Variants in TRIO observed in about 807,000 individuals in gnomAD.
The protein encoded by TRIO is trio Rho guanine nucleotide exchange factor, also known as triple functional domain protein.
Under a neutral mutation model 351.9 loss-of-function variants are expected in TRIO, and 58 were observed. The ratio of observed to expected loss-of-function variants is 0.16; its 90% confidence interval spans 0.13 to 0.21. The LOEUF (loss-of-function observed/expected upper bound fraction) is 0.21, where lower values mean the gene tolerates loss of function less well. Among genes scored for constraint, TRIO ranks in the 10% least tolerant of loss-of-function variants. The pLI is 1.00. For synonymous variants in TRIO, 1,758 were observed against 1,595.7 expected, an observed-to-expected ratio of 1.10 and a Z score of -2.42; for missense variants, 3,201 against 4,027.8, an observed-to-expected ratio of 0.79 and a Z score of 5.56.
intron 34 of TRIO, among the ~76,000 whole-genome samples, chr5:14,445,322 C>T (rs979340565): frequency 1.3e-5 from 2 of 152,146 alleles, no homozygotes; most frequent in South Asian, 4.2e-4. Context: ...ATGAGCAAAC[C>T]ACATACCCCC....
intron 45 of TRIO, 122 bp from the exon 46 acceptor site, chr5:14,482,460 T>C: frequency 1.3e-6 from 1 of 780,650 alleles, no homozygotes; most frequent in Non-Finnish European, 1.8e-6. Context: ...TTAAACTCCA[T>C]AAATTAATAA....
intron 1 of TRIO, among the ~76,000 whole-genome samples, chr5:14,222,710 T>C (rs1792722266): frequency 6.6e-6 from 1 of 152,220 alleles, no homozygotes; most frequent in Non-Finnish European, 1.5e-5. Flanking sequence ...AAGAAATACA[T>C]GTGAAGTTTT....
intron 34 of TRIO, among the ~76,000 whole-genome samples, chr5:14,442,025 G>T (rs371517228): frequency 6.6e-6 from 1 of 152,216 alleles, no homozygotes; most frequent in Admixed American, 6.5e-5. Flanking sequence ...GACAAGGTGA[G>T]GGGAGTTGGG....
At chr5:14,218,169 C>T (rs1020254395) in intron 1 of TRIO, among the ~76,000 whole-genome samples, 2 of 152,174 alleles carry the variant, frequency 1.3e-5, no homozygotes, top group Non-Finnish European at 2.9e-5. Flanking sequence ...CATCTCTGCA[C>T]TTTGTCATCT....
At chr5:14,204,530 G>A (rs1470284400) in intron 1 of TRIO, among the ~76,000 whole-genome samples, 1 of 152,134 alleles carries the variant, frequency 6.6e-6, no homozygotes, top group Non-Finnish European at 1.5e-5. Flanking sequence ...TGGTCTCTAG[G>A]TCTTACGGGA....
chr5:14,154,647 A>T (rs181855955), intron 1 of TRIO, among the ~76,000 whole-genome samples: 2 of 152,230 alleles, frequency 1.3e-5, no homozygotes, highest in Admixed American at 1.3e-4. Context: ...GCTCAGGTTT[A>T]TGCCCACATA....
intron 1 of TRIO, among the ~76,000 whole-genome samples, chr5:14,230,358 G>GTGTGTA (rs1303091878): frequency 6.6e-6 from 1 of 151,984 alleles, no homozygotes. Context: ...GTGTGTGTGT[G>GTGTGTA]TGTGTGTGTG....
At chr5:14,218,810 A>G (rs1318701944) in intron 1 of TRIO, among the ~76,000 whole-genome samples, 1 of 152,230 alleles carries the variant, frequency 6.6e-6, no homozygotes, top group Non-Finnish European at 1.5e-5. Context: ...TGGTTGAAAC[A>G]TGGCAGATGA....
rs143249581 is a variant in TRIO at position 14,304,968 on chromosome 5, A to C, written c.1500+376A>C. 3.0e-3 allele frequency among the ~76,000 whole-genome samples: 463 copies of C among 152,362 alleles called. 1 individual carries two copies. The highest frequency in any genetic ancestry group is 4.4e-3 in the Non-Finnish European group (299 of 68,026). Reference sequence around the variant, plus strand: ...TTTTAGAGAAGATGGGCTAGATTGCAAGGCACACATGTGTCTATTTTAGAA... The same window carrying C: ...TTTTAGAGAAGATGGGCTAGATTGCCAGGCACACATGTGTCTATTTTAGAA... On this transcript the variant is annotated intron_variant, in intron 8 of 56. Coordinates refer to ENST00000344204, the MANE Select transcript of TRIO (RefSeq NM_007118.4).
chr5:14,413,064 CCTCA>C (rs777652734), intron 33 of TRIO, among the ~76,000 whole-genome samples: 2 of 152,208 alleles, frequency 1.3e-5, no homozygotes, highest in Non-Finnish European at 2.9e-5. Flanking sequence ...CTTCCTCCTG[CCTCA>C]CTCGGGCTAT....
rs2152335791 is a variant in TRIO at position 14,358,163 on chromosome 5, T to C, written c.2047-15T>C. The C allele has an allele frequency of 3.1e-6, 5 of 1,607,264 alleles. No individual in the cohort carries two copies. Among genetic ancestry groups the C allele is most frequent in the South Asian group, 1.1e-5 (1 of 90,720 alleles). ...GCCAGGCCGGCCGGCCTCACCCCCC[T>C]CTCCCCTTCCCCAGCTGTGGACGTG... On this transcript the variant is annotated splice_polypyrimidine_tract_variant and intron_variant, in intron 11 of 56. Transcript: ENST00000344204.
intron 1 of TRIO, chr5:14,183,735 C>T (rs73748679): frequency 0.012 from 5,631 of 471,216 alleles, 258 homozygotes; most frequent in African/African-American, 0.1. Flanking sequence ...CTGCCCCTCC[C>T]GTTTGCTGAG....
At chr5:14,217,238 T>G (rs1301443078) in intron 1 of TRIO, among the ~76,000 whole-genome samples, 1 of 152,188 alleles carries the variant, frequency 6.6e-6, no homozygotes, top group African/African-American at 2.4e-5. Context: ...CTGTACAGAA[T>G]GTGGTCATTA....
chr5:14,323,138 T>A (rs941975789), intron 9 of TRIO, among the ~76,000 whole-genome samples: 7 of 152,164 alleles, frequency 4.6e-5, no homozygotes, highest in African/African-American at 1.7e-4. Context: ...TGGTGAATGC[T>A]AGACCTCAAA....
In TRIO at chr5:14,354,027, A is replaced by C. The variant is rs573297218; in HGVS notation, c.2047-4151A>C. On this transcript the variant is annotated intron_variant, in intron 11 of 56. Coordinates refer to ENST00000344204, the MANE Select transcript of TRIO (RefSeq NM_007118.4). ...TCCTGTACCACGAGTTGGGTCCTTG[A>C]GTGAGGCCTCACAGTGAGTCAGGGG... Among the ~76,000 whole-genome samples, 3 of 152,286 alleles carry C rather than the reference A, an allele frequency of 2.0e-5. No individual in the cohort carries two copies. The East Asian group carries it at 5.8e-4, about 29-fold the overall frequency.
At position 14,390,818 on chromosome 5, in the gene TRIO, A is replaced by G. The variant is rs1747017048; in HGVS notation, c.4129-83A>G. ...CTCGAGGCTTAAATTTCCGTTATCC[A>G]TACTGCTTCTTTTCTATATGAAAGT... On this transcript the variant is annotated intron_variant, in intron 26 of 56. Transcript: ENST00000344204. 18 of 1,169,100 alleles carry G rather than the reference A, an allele frequency of 1.5e-5. 1 individual carries two copies. The South Asian group carries it at 2.3e-4, about 15-fold the overall frequency. The allele number at this position is 1,169,100 out of a possible 1,614,324, so 72.4% of individuals were successfully genotyped here.
At chr5:14,333,295 G>T (rs1249111370) in intron 10 of TRIO, among the ~76,000 whole-genome samples, 1 of 152,204 alleles carries the variant, frequency 6.6e-6, no homozygotes, top group Non-Finnish European at 1.5e-5. Context: ...GTTAGTTAGC[G>T]TTTGTGGTGC....
intron 11 of TRIO, 60 bp downstream of exon 11, chr5:14,336,787 G>A: frequency 6.4e-7 from 1 of 1,570,894 alleles, no homozygotes; most frequent in East Asian, 2.2e-5. Flanking sequence ...AACTCTTTTG[G>A]AGGAACCTAA....
At chr5:14,356,419 C>A (rs1383251022) in intron 11 of TRIO, among the ~76,000 whole-genome samples, 1 of 152,130 alleles carries the variant, frequency 6.6e-6, no homozygotes, top group East Asian at 1.9e-4. Flanking sequence ...GAAATTGAAA[C>A]CATAGTGAGA....
Sources: gnomAD v4.1 joint callset for allele counts (sites outside exome capture counted in the v4.1 genomes callset) on GRCh38, gnomAD v4.1.1 for gene constraint, MANE v1.5 for transcripts, NCBI Gene and HGNC (gene_info 2026-07-23, HGNC 2026-07-21) for gene names.